The following UBR4 variants were observed in gnomAD, a reference collection of about 807,000 sequenced individuals.
The protein encoded by UBR4 is E3 ubiquitin-protein ligase UBR4.
In UBR4, 124 loss-of-function variants were observed where a neutral mutation model predicts 575.6. The observed-to-expected ratio is 0.22, with a 90% confidence interval of 0.19 to 0.25. UBR4 has a LOEUF of 0.25. UBR4 is among the 10% of genes least tolerant of loss of function. The probability of loss-of-function intolerance (pLI) is 1.00; values close to 1 mark genes in which losing one functional copy is unlikely to be tolerated. For missense variants in UBR4, 4,818 were observed against 6,478.8 expected, an observed-to-expected ratio of 0.74 and a Z score of 8.80; for synonymous variants, 2,455 against 2,473.7, an observed-to-expected ratio of 0.99 and a Z score of 0.22.
rs1419574689 is a variant in UBR4, at chr1:19,198,551, G to A, written c.638C>T (p.Thr213Ile). 6 of 1,614,074 alleles carry A rather than the reference G, an allele frequency of 3.7e-6. No homozygotes were observed. ...PRTVASQPISTQTLVEGENDE... is the reference protein window; with the variant it reads ...PRTVASQPISIQTLVEGENDE... ...ACTAAAGAAACTCACCAGAGTCTGT[G>A]TACTGATAGGTTGTGATGCTACAGT... The change falls in exon 5 of 106, where the codon ACA (threonine) becomes ATA (isoleucine). Residue 213 changes from threonine (T) to isoleucine (I), a missense_variant. By Grantham distance (89) the Thr-to-Ile change is moderately conservative. Around this residue, in one of 29 missense-constraint regions of UBR4, gnomAD observed 83 missense variants for 77.3 expected, o/e 1.07. Transcript: ENST00000375254.
Position 19,173,249 on chromosome 1 carries a change from C to T in UBR4, c.3223G>A (p.Ala1075Thr). Residue 1075 changes from alanine (A) to threonine (T), a missense_variant, in exon 24 of 106, where the codon GCA becomes ACA. Around this residue, in one of 29 missense-constraint regions of UBR4, gnomAD observed 1,172 missense variants for 1,259.7 expected, o/e 0.93. Transcript: ENST00000375254. ...AEHASSLLEL[A>T]STTKCSSVKY... The stretch of plus-strand genomic sequence containing the variant: ...ACTGAGCTACACTTAGTGGTGGATG[C>T]CAGTTCTAGAAGCGAGCTAGCATGC... 2 of 1,614,180 alleles carry T rather than the reference C, an allele frequency of 1.2e-6. No homozygotes were observed. Among genetic ancestry groups the T allele is most frequent in the East Asian group, 2.2e-5 (1 of 44,882 alleles).
chr1:19,130,583 A>C (rs748557494), intron 60 of UBR4, among the ~76,000 whole-genome samples: 1 of 152,244 alleles, frequency 6.6e-6, no homozygotes, highest in African/African-American at 2.4e-5. Flanking sequence ...CATTCTAAAA[A>C]GAACTCAAAG....
Position 19,122,042 on chromosome 1 carries a change from G to A in UBR4, c.9817-30C>T, listed in dbSNP as rs748723940. ...AATAGGAACCAACCACGGGAAAGGA[G>A]TAACTCCACCACATTGCCCAGACAA... On this transcript the variant is annotated intron_variant, in intron 66 of 105. Coordinates refer to ENST00000375254, the MANE Select transcript of UBR4 (RefSeq NM_020765.3). The A allele has an allele frequency of 2.5e-6, 4 of 1,611,376 alleles. No homozygotes were observed. In the African/African-American group the frequency reaches 5.3e-5, roughly 22 times the overall value.
intron 56 of UBR4, 57 bp from the exon 57 acceptor site, chr1:19,141,581 A>C: frequency 6.2e-7 from 1 of 1,600,354 alleles, no homozygotes. Flanking sequence ...TTGGAAGTCC[A>C]CTGAATAAGA....
Position 19,159,538 on chromosome 1 carries a change from T to C in UBR4, c.5577+573A>G, listed in dbSNP as rs141495559. 8.5e-4 allele frequency among the ~76,000 whole-genome samples: 130 copies of C among 152,100 alleles called. 1 individual carries two copies. The highest frequency in any genetic ancestry group is 3.4e-3 in the Middle Eastern group (1 of 294). ...CCTCTTGGAGATTCATATATTTATA[T>C]GAACTAAAAAGGAGATTTATTCTCT... is the stretch of plus-strand genomic sequence containing the variant. On this transcript the variant is annotated intron_variant, in intron 39 of 105. Transcript: ENST00000375254.
At chr1:19,188,493 G>A (rs952225492) in intron 11 of UBR4, among the ~76,000 whole-genome samples, 6 of 152,032 alleles carry the variant, frequency 3.9e-5, no homozygotes, top group African/African-American at 9.7e-5. Flanking sequence ...GGTGGAGGCT[G>A]CAGTGAACTG....
Position 19,088,020 on chromosome 1 carries a change from C to T in UBR4, c.14431-91G>A. ...GATGCTCAGGAACAGGGCTAACCTTCTACCTCCACTAAAAGGACAGGTGCA... is the reference window on the plus strand; with the variant it reads ...GATGCTCAGGAACAGGGCTAACCTTTTACCTCCACTAAAAGGACAGGTGCA... On this transcript the variant is annotated intron_variant, in intron 98 of 105. Transcript: ENST00000375254. The surrounding 1 kb of genome is among the most constrained non-coding windows in gnomAD (Gnocchi z 4.0). 1 of 954,996 alleles carries T rather than the reference C, an allele frequency of 1.0e-6. No homozygotes were observed. Among genetic ancestry groups the T allele is most frequent in the South Asian group, 1.4e-5 (1 of 69,610 alleles). 59.2% of individuals were successfully genotyped at this position (954,996 alleles called of 1,614,324 possible). A position where few individuals can be genotyped will look rare whatever the true frequency, so the allele number is the denominator to read the frequency against.
In UBR4 at chr1:19,176,561, T is replaced by C. The variant is rs1230200454; in HGVS notation, c.2773+31A>G. On this transcript the variant is annotated intron_variant, in intron 20 of 105. Transcript: ENST00000375254. ...AACCCCACCAATGAGAATCAGTAAG[T>C]CAGTTTCTTATTAACAGTCTTCTTT... The C allele has an allele frequency of 4.4e-6, 7 of 1,605,882 alleles. No individual in the cohort carries two copies. The East Asian group carries it at 1.1e-4, about 26-fold the overall frequency.
chr1:19,184,500 C>T (rs1233163440), intron 15 of UBR4, among the ~76,000 whole-genome samples: 1 of 152,188 alleles, frequency 6.6e-6, no homozygotes, highest in Non-Finnish European at 1.5e-5. Flanking sequence ...CAATTCACTA[C>T]TGATATATTC....
chr1:19,086,582 A>T, intron 100 of UBR4, 97 bp downstream of exon 100: 3 of 1,508,154 alleles, frequency 2.0e-6, no homozygotes, highest in Non-Finnish European at 2.7e-6. Flanking sequence ...CCAGAGACTA[A>T]GGAGCAGATT....
intron 25 of UBR4, among the ~76,000 whole-genome samples, chr1:19,171,188 G>T (rs2089475894): frequency 6.7e-6 from 1 of 148,252 alleles, no homozygotes; most frequent in East Asian, 2.0e-4. Context: ...TAAAGGCTCT[G>T]AATACTATAT....
chr1:19,186,924 C>G (rs771054851), intron 13 of UBR4, among the ~76,000 whole-genome samples: 2 of 151,848 alleles, frequency 1.3e-5, no homozygotes, highest in Admixed American at 6.6e-5. Context: ...CAAGTAGCCA[C>G]GTGTATCACA....
chr1:19,109,963 G>A (rs1418962090), intron 81 of UBR4, 133 bp downstream of exon 81: 3 of 1,333,990 alleles, frequency 2.2e-6, no homozygotes, highest in Non-Finnish European at 3.1e-6. Flanking sequence ...TAAGGCAAAG[G>A]CTGCACTGGA....
At chr1:19,078,293 T>A in intron 103 of UBR4, 1 of 479,744 alleles carries the variant, frequency 2.1e-6, no homozygotes, top group East Asian at 3.9e-5. Flanking sequence ...TTCATCTGAT[T>A]CTCTCAGTGC....
rs2151220539 is a variant in UBR4, at chr1:19,184,029, T to C, written c.2085A>G (p.Lys695=). 2 of 1,614,178 alleles carry C rather than the reference T, an allele frequency of 1.2e-6. No individual in the cohort carries two copies. The highest frequency in any genetic ancestry group is 2.2e-5 in the East Asian group (1 of 44,890). Residue 695 remains lysine, a synonymous_variant, in exon 16 of 106, where the codon AAA becomes AAG. Coordinates refer to ENST00000375254, the MANE Select transcript of UBR4 (RefSeq NM_020765.3). ...TLASIIKEVD[K]DGLKGSSDEE... ...TTGTCTACTGACCCTTGAGTCCATC[T>C]TTGTCCACCTCCTTGATGATACTGG...
At position 19,199,937 on chromosome 1, in the gene UBR4, T is replaced by C. The variant is rs989849485; in HGVS notation, c.275-183A>G. Among the ~76,000 whole-genome samples, 23 of 152,346 alleles carry C rather than the reference T, an allele frequency of 1.5e-4. No individual in the cohort carries two copies. The East Asian group carries it at 3.1e-3, about 20-fold the overall frequency. On this transcript the variant is annotated intron_variant, in intron 2 of 105. Coordinates refer to ENST00000375254, the MANE Select transcript of UBR4 (RefSeq NM_020765.3). Reference sequence around the variant, plus strand: ...ATAACTACCAGATCAATTTATCTCATATTTACTAGAAATCAGGATAACTAT... The same window carrying C: ...ATAACTACCAGATCAATTTATCTCACATTTACTAGAAATCAGGATAACTAT...
intron 33 of UBR4, 133 bp from the exon 34 acceptor site, chr1:19,163,960 A>AT (rs1402393831): frequency 1.0e-6 from 1 of 967,244 alleles, no homozygotes; most frequent in African/African-American, 1.6e-5. Context: ...AGAAAACTCC[A>AT]TAAGTACTAT....
rs374570627 is a variant in UBR4 at position 19,197,283 on chromosome 1, T to C, written c.894-18A>G. On this transcript the variant is annotated intron_variant, in intron 7 of 105. Coordinates refer to ENST00000375254, the MANE Select transcript of UBR4 (RefSeq NM_020765.3). ...AATGAAAGCTGGAACATGACAGAGA[T>C]CAACAAGTGTCTCTTAGAATCATTC... 2.0e-4 allele frequency: 328 copies of C among 1,613,784 alleles called. No homozygotes were observed. Among genetic ancestry groups the C allele is most frequent in the Non-Finnish European group, 2.6e-4 (309 of 1,179,904 alleles).
chr1:19,154,016 C>A, intron 44 of UBR4, 77 bp from the exon 45 acceptor site: 1 of 1,500,810 alleles, frequency 6.7e-7, no homozygotes, highest in South Asian at 1.3e-5. Flanking sequence ...AAAAACCATC[C>A]TCTAACTGGC....
Sources: allele counts gnomAD v4.1 joint callset (sites outside exome capture counted in the v4.1 genomes callset), GRCh38; gene constraint gnomAD v4.1.1; regional missense constraint gnomAD v4.1.1; non-coding constraint Gnocchi (gnomAD v3.1); transcripts MANE v1.5; gene names NCBI Gene and HGNC (gene_info 2026-07-23, HGNC 2026-07-21).